Variants in FRMD6 observed in about 807,000 individuals in gnomAD.
FRMD6 encodes the protein FERM domain-containing protein 6.
Under a neutral mutation model 73.2 loss-of-function variants are expected in FRMD6, and 37 were observed. The observed-to-expected ratio is 0.51, with a 90% confidence interval of 0.39 to 0.66. FRMD6 has a LOEUF of 0.66. Among genes scored for constraint, FRMD6 ranks in the 30% least tolerant of loss-of-function variants. The probability of loss-of-function intolerance (pLI) is 0.00; values close to 1 mark genes in which losing one functional copy is unlikely to be tolerated. For synonymous variants in FRMD6, 273 were observed against 282.2 expected (o/e 0.97, Z 0.33); for missense variants, 714 against 780.5 (o/e 0.91, Z 1.02).
the FRMD6 span, among the ~76,000 whole-genome samples, chr14:51,449,389 G>A: frequency 5.9e-5 from 9 of 152,188 alleles, no homozygotes; most frequent in Non-Finnish European, 1.0e-4. Context: ...CAATGAGAAA[G>A]GAATCTCAGT....
chr14:51,519,907 G>A (rs1029046843), intron 1 of FRMD6, among the ~76,000 whole-genome samples: 5 of 152,106 alleles, frequency 3.3e-5, no homozygotes, highest in Admixed American at 2.6e-4. Flanking sequence ...ATTTGGCACT[G>A]AATTTTAAGA....
intron 2 of FRMD6, among the ~76,000 whole-genome samples, chr14:51,617,705 A>G (rs538438133): frequency 6.6e-6 from 1 of 152,290 alleles, no homozygotes; most frequent in East Asian, 1.9e-4. Context: ...ATATTAAGAG[A>G]ACAATAAATT....
intron 2 of FRMD6, among the ~76,000 whole-genome samples, chr14:51,583,908 A>C (rs928209255): frequency 6.6e-6 from 1 of 152,184 alleles, no homozygotes; most frequent in Non-Finnish European, 1.5e-5. Flanking sequence ...GGGGTTTAGA[A>C]ATGAATAAGG....
At chr14:51,503,874 T>G (rs1489218717) in intron 1 of FRMD6, among the ~76,000 whole-genome samples, 52 of 146,952 alleles carry the variant, frequency 3.5e-4, no homozygotes, top group Middle Eastern at 3.5e-3. Flanking sequence ...TGGGGGGGGG[T>G]TTGATAAGCT....
chr14:51,600,188 A>T (rs1889963120), intron 2 of FRMD6, among the ~76,000 whole-genome samples: 1 of 152,186 alleles, frequency 6.6e-6, no homozygotes, highest in Non-Finnish European at 1.5e-5. Flanking sequence ...CTCTCCTTTG[A>T]GTTGCCAAGA....
chr14:51,697,107 G>A (rs553892026), intron 2 of FRMD6, among the ~76,000 whole-genome samples: 1 of 152,254 alleles, frequency 6.6e-6, no homozygotes, highest in East Asian at 1.9e-4. Flanking sequence ...CAGTATGGGG[G>A]TTCCTCAAAA....
chr14:51,671,552 G>C (rs1238300406), intron 1 of FRMD6, among the ~76,000 whole-genome samples: 1 of 152,100 alleles, frequency 6.6e-6, no homozygotes, highest in Non-Finnish European at 1.5e-5. Flanking sequence ...CACTAAAAAG[G>C]GTAAGACAGC....
upstream of FRMD6, among the ~76,000 whole-genome samples, chr14:51,648,975 A>C (rs1892201550): frequency 6.6e-6 from 1 of 152,240 alleles, no homozygotes; most frequent in Admixed American, 6.5e-5. Context: ...AGTGAAAATA[A>C]AACATCCCAA....
chr14:51,474,225 T>C, the FRMD6 span, among the ~76,000 whole-genome samples: 1 of 152,176 alleles, frequency 6.6e-6, no homozygotes, highest in Non-Finnish European at 1.5e-5. Context: ...AACGCTGGGG[T>C]GCTTATTTGT....
chr14:51,569,344 G>A (rs1887970221), intron 1 of FRMD6, among the ~76,000 whole-genome samples: 1 of 152,036 alleles, frequency 6.6e-6, no homozygotes, highest in Non-Finnish European at 1.5e-5. Flanking sequence ...AAAAGAAACG[G>A]TAACCAAAAT....
chr14:51,493,182 A>G (rs1883111956), intron 1 of FRMD6, among the ~76,000 whole-genome samples: 1 of 152,214 alleles, frequency 6.6e-6, no homozygotes, highest in Non-Finnish European at 1.5e-5. Flanking sequence ...CCCAGATCCT[A>G]ATCAACAATC....
At chr14:51,495,986 A>G (rs1003954020) in intron 1 of FRMD6, among the ~76,000 whole-genome samples, 1 of 152,220 alleles carries the variant, frequency 6.6e-6, no homozygotes, top group East Asian at 1.9e-4. Context: ...CCCACATTCT[A>G]TAAGCATTGG....
At chr14:51,528,481 T>C (rs1294355575) in intron 1 of FRMD6, among the ~76,000 whole-genome samples, 1 of 152,170 alleles carries the variant, frequency 6.6e-6, no homozygotes, top group Non-Finnish European at 1.5e-5. Flanking sequence ...ATCTTCCGTA[T>C]GTATAATTAA....
intron 4 of FRMD6, among the ~76,000 whole-genome samples, chr14:51,701,671 A>C (rs997566420): frequency 2.7e-5 from 4 of 150,410 alleles, no homozygotes; most frequent in African/African-American, 9.7e-5. Flanking sequence ...AAGTATTAAT[A>C]GCTTATAGAA....
At chr14:51,518,715 A>G (rs1884778627) in intron 1 of FRMD6, among the ~76,000 whole-genome samples, 1 of 152,240 alleles carries the variant, frequency 6.6e-6, no homozygotes, top group African/African-American at 2.4e-5. Flanking sequence ...TTTAACCACT[A>G]AAAGTCAAAA....
intron 1 of FRMD6, among the ~76,000 whole-genome samples, chr14:51,490,053 C>G (rs1360975985): frequency 6.6e-6 from 1 of 152,080 alleles, no homozygotes; most frequent in African/African-American, 2.4e-5. Context: ...TATAACTTAG[C>G]AAAACTAGAC....
At chr14:51,698,739 C>T (rs891757344) in intron 3 of FRMD6, among the ~76,000 whole-genome samples, 2 of 151,744 alleles carry the variant, frequency 1.3e-5, no homozygotes, top group Non-Finnish European at 2.9e-5. Context: ...GACTATATGA[C>T]TTGGAAATAT....
intron 2 of FRMD6, among the ~76,000 whole-genome samples, chr14:51,610,441 G>C (rs1890446942): frequency 6.7e-6 from 1 of 149,872 alleles, no homozygotes; most frequent in South Asian, 2.1e-4. Context: ...TTTAATTTTT[G>C]TATCCTACTT....
chr14:51,540,360 G>A (rs555472201), intron 1 of FRMD6, among the ~76,000 whole-genome samples: 4 of 152,260 alleles, frequency 2.6e-5, no homozygotes, highest in Admixed American at 6.5e-5. Flanking sequence ...TCACTTTGAT[G>A]TATATTTTAG....
Sources: gnomAD v4.1 joint callset for allele counts (sites outside exome capture counted in the v4.1 genomes callset) on GRCh38, gnomAD v4.1.1 for gene constraint, MANE v1.5 for transcripts, NCBI Gene and HGNC (gene_info 2026-07-23, HGNC 2026-07-21) for gene names.